The following DIS3L2 variants were observed in gnomAD, a reference collection of about 807,000 sequenced individuals.
DIS3L2 encodes the protein DIS3-like exonuclease 2.
A neutral mutation model predicts 97.5 loss-of-function variants in DIS3L2; 34 were observed. The observed-to-expected ratio is 0.35, with a 90% CI of 0.27 to 0.46. The LOEUF (loss-of-function observed/expected upper bound fraction) is 0.46. Among genes scored for constraint, DIS3L2 ranks in the 20% least tolerant of loss-of-function variants. DIS3L2 has a pLI of 1.00. For synonymous variants in DIS3L2, 435 were observed against 445.2 expected, an observed-to-expected ratio of 0.98 and a Z score of 0.29; for missense variants, 1,038 against 1,146.0, an observed-to-expected ratio of 0.91 and a Z score of 1.36.
At position 232,268,972 on chromosome 2, in the gene DIS3L2, C is replaced by T. The variant is rs564213480; in HGVS notation, c.1659+5532C>T. Among the ~76,000 whole-genome samples, 5 of 152,332 alleles carry T rather than the reference C, an allele frequency of 3.3e-5. No homozygotes were observed. In the South Asian group the frequency reaches 8.3e-4, roughly 25 times the overall value. On this transcript the variant is annotated intron_variant, in intron 13 of 20. Coordinates refer to ENST00000325385, the MANE Select transcript of DIS3L2 (RefSeq NM_152383.5). This position sits in a 1 kb window ranked among gnomAD's most constrained non-coding sequence, Gnocchi z 4.1. ...GGAATGAATCAGTTTAGCATCAGTT[C>T]CCTTATTCCATTTACAGGCAGGTCG...
intron 9 of DIS3L2, among the ~76,000 whole-genome samples, 176 bp from the exon 10 acceptor site, chr2:232,210,150 C>G (rs2106217661): frequency 6.6e-6 from 1 of 152,292 alleles, no homozygotes; most frequent in East Asian, 1.9e-4. Context: ...GTCACTCACC[C>G]ATTTGTCTCT....
At chr2:232,129,322 G>A (rs1698157074) in intron 6 of DIS3L2, among the ~76,000 whole-genome samples, 1 of 152,126 alleles carries the variant, frequency 6.6e-6, no homozygotes, top group South Asian at 2.1e-4. Context: ...GAGCACATTG[G>A]TGAGGTATGT....
intron 5 of DIS3L2, among the ~76,000 whole-genome samples, chr2:232,070,862 G>A (rs1411143334): frequency 6.6e-6 from 1 of 152,158 alleles, no homozygotes; most frequent in Non-Finnish European, 1.5e-5. Context: ...AATTACAGGC[G>A]TGAGCCACTG....
chr2:232,274,040 A>T (rs1195431205), intron 13 of DIS3L2, among the ~76,000 whole-genome samples: 1 of 152,214 alleles, frequency 6.6e-6, no homozygotes, highest in Non-Finnish European at 1.5e-5. Flanking sequence ...AGAGAGGAAG[A>T]TAACTTATAT....
chr2:232,087,528 G>A lies in DIS3L2; in HGVS notation c.408G>A (p.Ala136=), dbSNP rs149344471. The A allele has an allele frequency of 1.5e-5, 24 of 1,613,636 alleles. No individual in the cohort carries two copies. In the African/African-American group the frequency reaches 1.7e-4, roughly 12 times the overall value. Residue 136 remains alanine (A), a synonymous_variant, in exon 6 of 21, where the codon GCG becomes GCA. Coordinates refer to ENST00000325385, the MANE Select transcript of DIS3L2 (RefSeq NM_152383.5). ...PESNDKETEA[A]YESDIPEELC... Reference sequence around the variant, plus strand: ...GCAATGACAAAGAAACAGAAGCTGCGTATGAATCAGATATCCCCGAGGAGC... The same window carrying A: ...GCAATGACAAAGAAACAGAAGCTGCATATGAATCAGATATCCCCGAGGAGC...
chr2:232,308,419 C>T (rs1156713736), intron 14 of DIS3L2, among the ~76,000 whole-genome samples: 5 of 152,176 alleles, frequency 3.3e-5, no homozygotes, highest in Admixed American at 3.3e-4. Context: ...GCAGTTCTTA[C>T]TCTTAGAACA....
At chr2:232,343,861 G>A (rs1696166935) in exon 14 of DIS3L2, 1 of 344,622 alleles carries the variant, frequency 2.9e-6, no homozygotes, top group South Asian at 5.0e-5. Context: ...TTCCCTTTAT[G>A]GAGCTTTCTG....
intron 14 of DIS3L2, among the ~76,000 whole-genome samples, chr2:232,303,566 C>T (rs1694915887): frequency 6.6e-6 from 1 of 152,234 alleles, no homozygotes; most frequent in Admixed American, 6.5e-5. Context: ...TAGCATTCAT[C>T]TCTGTTTGCC....
intron 12 of DIS3L2, among the ~76,000 whole-genome samples, chr2:232,251,526 CAG>C (rs1693417419): frequency 6.6e-6 from 1 of 152,090 alleles, no homozygotes; most frequent in South Asian, 2.1e-4. Context: ...ACAAAGTAAA[CAG>C]AGGAAAAGAA....
intron 9 of DIS3L2, among the ~76,000 whole-genome samples, chr2:232,204,405 A>G (rs182552236): frequency 2.6e-5 from 4 of 152,308 alleles, no homozygotes; most frequent in South Asian, 2.1e-4. Context: ...TCCCAGACCA[A>G]TGGCTTTGGG....
rs569437215 is a variant in DIS3L2, at chr2:232,195,922, T to C, written c.1125-14404T>C. 3.3e-5 allele frequency among the ~76,000 whole-genome samples: 5 copies of C among 152,272 alleles called. No homozygotes were observed. In the South Asian group the frequency reaches 1.0e-3, roughly 32 times the overall value. On this transcript the variant is annotated intron_variant, in intron 9 of 20. Transcript: ENST00000325385. ...TCCCCAGGCAAGGGGGGAGTTTGTTTTGGGGAGAGGCTTTTATCATCTTTG... is the reference window on the plus strand; with the variant it reads ...TCCCCAGGCAAGGGGGGAGTTTGTTCTGGGGAGAGGCTTTTATCATCTTTG...
intron 12 of DIS3L2, among the ~76,000 whole-genome samples, chr2:232,260,904 C>T (rs1027957250): frequency 6.6e-6 from 1 of 152,054 alleles, no homozygotes; most frequent in African/African-American, 2.4e-5. Flanking sequence ...CTGGCTTTTT[C>T]GGAAAGCATT....
intron 10 of DIS3L2, among the ~76,000 whole-genome samples, chr2:232,232,448 C>T (rs1163199494): frequency 6.6e-6 from 1 of 152,124 alleles, no homozygotes; most frequent in East Asian, 1.9e-4. Flanking sequence ...CCATGGTGGT[C>T]TTGGCCAAGG....
intron 10 of DIS3L2, among the ~76,000 whole-genome samples, chr2:232,215,079 A>G (rs1038475839): frequency 6.6e-6 from 1 of 152,218 alleles, no homozygotes. Flanking sequence ...AAAAACCACT[A>G]GGGGAAAAGG....
intron 5 of DIS3L2, among the ~76,000 whole-genome samples, chr2:232,075,620 C>T (rs1696164472): frequency 6.6e-6 from 1 of 152,204 alleles, no homozygotes; most frequent in Admixed American, 6.5e-5. Flanking sequence ...CAGCTGCCAC[C>T]TGGATGTTCC....
Position 232,330,719 on chromosome 2 carries a change from C to T in DIS3L2, c.1953C>T (p.Asp651=), listed in dbSNP as rs1695710505. Residue 651 remains aspartate, a synonymous_variant, in exon 16 of 21, where the codon GAC becomes GAT. Coordinates refer to ENST00000325385, the MANE Select transcript of DIS3L2 (RefSeq NM_152383.5). ...NKSLTQTFGD[D]KYSLARKEVL... is the part of the protein sequence containing the mutation. ...GCCTGACCCAAACATTTGGAGATGA[C>T]AAGTACTCACTGGCCCGCAAGGAGG... 2 of 1,613,806 alleles carry T rather than the reference C, an allele frequency of 1.2e-6. No individual in the cohort carries two copies. The highest frequency in any genetic ancestry group is 1.7e-6 in the Non-Finnish European group (2 of 1,180,036).
chr2:232,044,883 G>C (rs1384725764), intron 5 of DIS3L2, among the ~76,000 whole-genome samples: 1 of 152,138 alleles, frequency 6.6e-6, no homozygotes, highest in Admixed American at 6.5e-5. Context: ...GCCTGCCTCA[G>C]CCTCCCAAAA....
intron 14 of DIS3L2, among the ~76,000 whole-genome samples, chr2:232,313,964 A>G (rs535938810): frequency 3.2e-4 from 49 of 152,362 alleles, no homozygotes; most frequent in East Asian, 3.1e-3. Context: ...CCCGTGATTC[A>G]GTTATCTCCC....
chr2:232,074,879 G>A (rs1696138474), intron 5 of DIS3L2, among the ~76,000 whole-genome samples: 1 of 152,104 alleles, frequency 6.6e-6, no homozygotes, highest in African/African-American at 2.4e-5. Flanking sequence ...CACCACACCT[G>A]GCCGAGGAAC....
Sources: gnomAD v4.1 joint callset for allele counts (sites outside exome capture counted in the v4.1 genomes callset) on GRCh38, gnomAD v4.1.1 for gene constraint, Gnocchi (gnomAD v3.1) non-coding constraint, MANE v1.5 for transcripts, NCBI Gene and HGNC (gene_info 2026-07-23, HGNC 2026-07-21) for gene names.